Variants in BRINP3 observed in about 807,000 individuals in gnomAD.
BRINP3 encodes the protein BMP/retinoic acid inducible neural specific 3, also known as BMP/retinoic acid-inducible neural-specific protein 3.
In BRINP3, 19 loss-of-function variants were observed where a neutral mutation model predicts 71.0. The observed-to-expected ratio is 0.27, with a 90% CI of 0.19 to 0.39. The LOEUF (loss-of-function observed/expected upper bound fraction) is 0.39, where lower values mean the gene tolerates loss of function less well. BRINP3 is among the 10% of genes least tolerant of loss of function. The probability of loss-of-function intolerance (pLI) is 1.00; values close to 1 mark genes in which losing one functional copy is unlikely to be tolerated. For synonymous variants in BRINP3, 380 were observed against 337.7 expected (o/e 1.13, Z -1.37); for missense variants, 959 against 940.8 (o/e 1.02, Z -0.25).
At chr1:190,465,687 T>G (rs879920584) in intron 1 of BRINP3, among the ~76,000 whole-genome samples, 8 of 151,934 alleles carry the variant, frequency 5.3e-5, no homozygotes, top group Non-Finnish European at 1.2e-4. Context: ...TTCTACTTTT[T>G]CTTGTTGAGT....
intron 2 of BRINP3, among the ~76,000 whole-genome samples, chr1:190,315,954 G>T (rs1235758598): frequency 6.6e-6 from 1 of 151,954 alleles, no homozygotes; most frequent in Non-Finnish European, 1.5e-5. Flanking sequence ...GCAAACAGAT[G>T]ATATATGGGA....
At chr1:190,421,271 G>A (rs1218000969) in intron 2 of BRINP3, among the ~76,000 whole-genome samples, 1 of 148,192 alleles carries the variant, frequency 6.7e-6, no homozygotes, top group Non-Finnish European at 1.5e-5. Context: ...TAATAGTGAA[G>A]GACATTTGAA....
chr1:190,121,640 T>A lies in BRINP3; in HGVS notation c.1185-22506A>T, dbSNP rs145172423. Among the ~76,000 whole-genome samples, 39 of 152,292 alleles carry A rather than the reference T, an allele frequency of 2.6e-4. No individual in the cohort carries two copies. In the East Asian group the frequency reaches 7.5e-3, roughly 29 times the overall value. ...TTAGTTTCCATATGGAAACCTTGCA[T>A]AAGCATTAATATAAAAGTTTAGGCA... On this transcript the variant is annotated intron_variant, in intron 7 of 7. Coordinates refer to ENST00000367462, the MANE Select transcript of BRINP3 (RefSeq NM_199051.3).
At chr1:190,099,219 A>C in intron 7 of BRINP3, 85 bp from the exon 8 acceptor site, 1 of 1,361,848 alleles carries the variant, frequency 7.3e-7, no homozygotes, top group Non-Finnish European at 9.9e-7. Flanking sequence ...AATCTTTGCT[A>C]TCATTTCTTC....
intron 7 of BRINP3, among the ~76,000 whole-genome samples, chr1:190,151,938 A>G (rs911792966): frequency 1.9e-4 from 29 of 152,286 alleles, no homozygotes; most frequent in African/African-American, 6.7e-4. Flanking sequence ...GGACAATTTA[A>G]CAGGCATTTA....
At chr1:190,193,550 T>C (rs559099157) in intron 6 of BRINP3, among the ~76,000 whole-genome samples, 4 of 152,194 alleles carry the variant, frequency 2.6e-5, no homozygotes, top group African/African-American at 9.6e-5. Flanking sequence ...AACTTGCAAA[T>C]GTTAACTTAA....
intron 2 of BRINP3, among the ~76,000 whole-genome samples, chr1:190,319,726 G>A (rs1404412110): frequency 6.6e-6 from 1 of 151,886 alleles, no homozygotes; most frequent in African/African-American, 2.4e-5. Flanking sequence ...AGCACCAAGG[G>A]GGATGATGTG....
At chr1:190,386,383 G>A (rs1670908781) in intron 2 of BRINP3, among the ~76,000 whole-genome samples, 2 of 151,468 alleles carry the variant, frequency 1.3e-5, no homozygotes, top group South Asian at 2.1e-4. Context: ...CTGTTTTTAA[G>A]TATAAGGGAA....
chr1:190,412,523 T>A (rs1171047), intron 2 of BRINP3, among the ~76,000 whole-genome samples: 1 of 139,926 alleles, frequency 7.1e-6, no homozygotes, highest in Non-Finnish European at 1.5e-5. Flanking sequence ...AGTGCAGTGG[T>A]GGGATCTCGG....
At chr1:190,247,891 C>T (rs1039295610) in intron 4 of BRINP3, among the ~76,000 whole-genome samples, 1 of 151,900 alleles carries the variant, frequency 6.6e-6, no homozygotes. Flanking sequence ...TTCAAGGTCA[C>T]AGACCGTTGG....
intron 2 of BRINP3, among the ~76,000 whole-genome samples, chr1:190,299,667 AGT>A (rs1016492282): frequency 6.9e-6 from 1 of 143,890 alleles, no homozygotes; most frequent in African/African-American, 2.6e-5. Flanking sequence ...CCCACCTATG[AGT>A]GAGAATATGC....
At chr1:190,320,653 G>A (rs1666176300) in intron 2 of BRINP3, among the ~76,000 whole-genome samples, 1 of 151,818 alleles carries the variant, frequency 6.6e-6, no homozygotes, top group African/African-American at 2.4e-5. Flanking sequence ...TTCCATCACA[G>A]GTCATAGTCA....
chr1:190,318,546 C>A (rs1403937138), intron 2 of BRINP3, among the ~76,000 whole-genome samples: 2 of 152,108 alleles, frequency 1.3e-5, no homozygotes, highest in African/African-American at 4.8e-5. Flanking sequence ...GCTAAAGCTT[C>A]TTCTGAAGTC....
intron 6 of BRINP3, among the ~76,000 whole-genome samples, chr1:190,174,801 C>G (rs1441256343): frequency 6.6e-6 from 1 of 151,954 alleles, no homozygotes; most frequent in Non-Finnish European, 1.5e-5. Context: ...GTAGATCCTC[C>G]CAATAATCTT....
chr1:190,307,961 C>T (rs939743684), intron 2 of BRINP3, among the ~76,000 whole-genome samples: 11 of 151,972 alleles, frequency 7.2e-5, no homozygotes, highest in Non-Finnish European at 1.6e-4. Context: ...GTGAACCAAA[C>T]ACTGAAGCAA....
chr1:190,251,855 A>G (rs1660176269), intron 4 of BRINP3, among the ~76,000 whole-genome samples: 3 of 151,622 alleles, frequency 2.0e-5, no homozygotes. Context: ...CATACATTTC[A>G]AAACCAACAA....
chr1:190,401,090 C>T (rs770976605), intron 2 of BRINP3, among the ~76,000 whole-genome samples: 4 of 152,102 alleles, frequency 2.6e-5, no homozygotes, highest in Non-Finnish European at 5.9e-5. Context: ...AGAGAAGTGG[C>T]TCACCCCTGT....
intron 6 of BRINP3, among the ~76,000 whole-genome samples, chr1:190,203,638 A>G (rs1655208119): frequency 6.7e-6 from 1 of 149,002 alleles, no homozygotes; most frequent in African/African-American, 2.4e-5. Context: ...TGTTTTAAAG[A>G]TTGTTGAACA....
intron 1 of BRINP3, among the ~76,000 whole-genome samples, chr1:190,476,300 C>G (rs930902335): frequency 1.9e-4 from 29 of 150,874 alleles, no homozygotes; most frequent in Non-Finnish European, 4.0e-4. Flanking sequence ...GTTCTTACCT[C>G]CATGTATCCC....
Sources: allele counts gnomAD v4.1 joint callset (sites outside exome capture counted in the v4.1 genomes callset), GRCh38; gene constraint gnomAD v4.1.1; transcripts MANE v1.5; gene names NCBI Gene and HGNC (gene_info 2026-07-23, HGNC 2026-07-21).